The following NRXN1 variants were observed in gnomAD, a reference collection of about 807,000 sequenced individuals.
NRXN1 encodes neurexin 1, also known as neurexin-1.
A neutral mutation model predicts 150.9 loss-of-function variants in NRXN1; 39 were observed. The ratio of observed to expected loss-of-function variants is 0.26; its 90% CI spans 0.20 to 0.34. The LOEUF (loss-of-function observed/expected upper bound fraction) is 0.34, where lower values mean the gene tolerates loss of function less well. NRXN1 is among the 10% of genes least tolerant of loss of function. NRXN1 has a pLI of 1.00. For missense variants in NRXN1, 1,815 were observed against 1,949.9 expected (o/e 0.93, Z 1.30); for synonymous variants, 924 against 757.0 (o/e 1.22, Z -3.62).
intron 19 of NRXN1, among the ~76,000 whole-genome samples, chr2:50,089,051 T>C (rs1000679078): frequency 2.0e-5 from 3 of 152,216 alleles, no homozygotes; most frequent in Non-Finnish European, 4.4e-5. Context: ...AGATACATTA[T>C]GCATATTAAT....
chr2:50,286,788 T>G (rs1574934903), intron 17 of NRXN1, among the ~76,000 whole-genome samples: 1 of 152,148 alleles, frequency 6.6e-6, no homozygotes, highest in Admixed American at 6.5e-5. Context: ...TAGAAATTCA[T>G]ATTATCGCAG....
intron 2 of NRXN1, among the ~76,000 whole-genome samples, chr2:50,968,812 G>A (rs2104764982): frequency 6.6e-6 from 1 of 151,924 alleles, no homozygotes; most frequent in East Asian, 1.9e-4. Flanking sequence ...TAATCCTTCT[G>A]TTTAAAGACA....
At chr2:50,050,156 C>CTCCT (rs1553527433) in intron 21 of NRXN1, among the ~76,000 whole-genome samples, 2 of 65,696 alleles carry the variant, frequency 3.0e-5, no homozygotes, top group African/African-American at 1.7e-4. Flanking sequence ...CAAAGCAAAA[C>CTCCT]TTCTTTTTTT....
At chr2:50,804,440 G>A (rs568616179) in intron 5 of NRXN1, among the ~76,000 whole-genome samples, 4 of 152,230 alleles carry the variant, frequency 2.6e-5, no homozygotes, top group African/African-American at 9.6e-5. Context: ...GGATGTAATC[G>A]CTAGTACAAT....
intron 17 of NRXN1, among the ~76,000 whole-genome samples, chr2:50,246,826 T>G (rs771068043): frequency 4.6e-5 from 7 of 152,114 alleles, no homozygotes; most frequent in Non-Finnish European, 8.8e-5. Context: ...ATTTTTGAAC[T>G]ATTATAATAT....
At chr2:50,586,541 A>G (rs1673128380) in intron 8 of NRXN1, among the ~76,000 whole-genome samples, 1 of 151,914 alleles carries the variant, frequency 6.6e-6, no homozygotes, top group African/African-American at 2.4e-5. Context: ...GAGTGAATGT[A>G]TTGGTGCAAG....
intron 2 of NRXN1, among the ~76,000 whole-genome samples, chr2:50,968,159 C>T (rs763250104): frequency 6.6e-6 from 1 of 151,958 alleles, no homozygotes; most frequent in Admixed American, 6.6e-5. Flanking sequence ...TTGGTCCTAC[C>T]CATTCTCTTT....
At chr2:50,052,879 T>G (rs1235171183) in intron 21 of NRXN1, among the ~76,000 whole-genome samples, 1 of 152,194 alleles carries the variant, frequency 6.6e-6, no homozygotes, top group African/African-American at 2.4e-5. Context: ...AGATTAAATT[T>G]GCCTTGATTT....
intron 2 of NRXN1, among the ~76,000 whole-genome samples, chr2:50,991,733 T>C (rs1698573033): frequency 6.6e-6 from 1 of 151,994 alleles, no homozygotes; most frequent in African/African-American, 2.4e-5. Flanking sequence ...ATCTAATATC[T>C]TGGGAACGCG....
intron 18 of NRXN1, among the ~76,000 whole-genome samples, chr2:50,221,148 G>C (rs533708618): frequency 6.6e-6 from 1 of 151,086 alleles, no homozygotes; most frequent in Non-Finnish European, 1.5e-5. Context: ...GAATCTCATG[G>C]GCTGTGTATC....
At chr2:50,263,611 T>C (rs137903092) in intron 17 of NRXN1, among the ~76,000 whole-genome samples, 4,392 of 152,112 alleles carry the variant, frequency 0.029, 68 homozygotes, top group African/African-American at 0.038. Context: ...CATAGGGACT[T>C]AAAACAGGTG....
At chr2:50,114,525 G>A (rs1441680854) in intron 18 of NRXN1, among the ~76,000 whole-genome samples, 2 of 152,140 alleles carry the variant, frequency 1.3e-5, no homozygotes, top group Non-Finnish European at 2.9e-5. Flanking sequence ...CAGAAGAGCT[G>A]AGAATTTATG....
chr2:50,874,770 C>T (rs115379120), intron 5 of NRXN1, among the ~76,000 whole-genome samples: 367 of 151,868 alleles, frequency 2.4e-3, no homozygotes, highest in Middle Eastern at 6.8e-3. Flanking sequence ...CCAGGCCTAC[C>T]ATTAATACTC....
At chr2:50,608,328 C>T (rs1677469506) in intron 8 of NRXN1, among the ~76,000 whole-genome samples, 3 of 152,072 alleles carry the variant, frequency 2.0e-5, no homozygotes, top group Admixed American at 2.0e-4. Context: ...TATATTAAAT[C>T]ACTTGGGGAT....
chr2:50,526,236 T>C (rs962018844), intron 12 of NRXN1, among the ~76,000 whole-genome samples: 1 of 152,186 alleles, frequency 6.6e-6, no homozygotes, highest in African/African-American at 2.4e-5. Flanking sequence ...TAGTCTTTAA[T>C]GTAAGATAAT....
chr2:50,212,498 C>T (rs2063106735), intron 18 of NRXN1, among the ~76,000 whole-genome samples: 1 of 151,508 alleles, frequency 6.6e-6, no homozygotes, highest in African/African-American at 2.4e-5. Context: ...ACACAGCCTC[C>T]AGGAAAGTCC....
intron 5 of NRXN1, among the ~76,000 whole-genome samples, chr2:50,788,702 A>C (rs1705501988): frequency 6.6e-6 from 1 of 152,114 alleles, no homozygotes; most frequent in Non-Finnish European, 1.5e-5. Flanking sequence ...ATAAAAACCT[A>C]AAGATACCAG....
intron 17 of NRXN1, among the ~76,000 whole-genome samples, chr2:50,437,001 G>A (rs567028712): frequency 8.4e-4 from 127 of 152,090 alleles, no homozygotes; most frequent in African/African-American, 3.0e-3. Context: ...ATTTACTGCA[G>A]GTAGGAAACC....
Position 50,040,096 on chromosome 2 carries a change from A to C in NRXN1, c.4128+13175T>G, listed in dbSNP as rs7584380. ...CCTCATAATCCAAATAAAATATGGGAGATTTAGTTGTGGTTGGTTGTCAGA... is the reference window on the plus strand; with the variant it reads ...CCTCATAATCCAAATAAAATATGGGCGATTTAGTTGTGGTTGGTTGTCAGA... On this transcript the variant is annotated intron_variant, in intron 21 of 22. Transcript: ENST00000401669. Among the ~76,000 whole-genome samples the C allele has an allele frequency of 5.4e-3, 825 of 152,192 alleles. 7 individuals are homozygous for C. Among genetic ancestry groups the C allele is most frequent in the African/African-American group, 0.019 (793 of 41,548 alleles).
Sources: gnomAD v4.1 joint callset for allele counts (sites outside exome capture counted in the v4.1 genomes callset) on GRCh38, gnomAD v4.1.1 for gene constraint, MANE v1.5 for transcripts, NCBI Gene and HGNC (gene_info 2026-07-23, HGNC 2026-07-21) for gene names.